The following TENM3 variants were observed in gnomAD, a reference collection of about 807,000 sequenced individuals.
The protein encoded by TENM3 is teneurin transmembrane protein 3.
Under a neutral mutation model 255.1 loss-of-function variants are expected in TENM3, and 63 were observed. That is an observed-to-expected ratio of 0.25 (90% CI 0.20 to 0.30). The LOEUF (loss-of-function observed/expected upper bound fraction) is 0.30, where lower values mean the gene tolerates loss of function less well. Among genes scored for constraint, TENM3 ranks in the 10% least tolerant of loss-of-function variants. The probability of loss-of-function intolerance (pLI) is 1.00; values close to 1 mark genes in which losing one functional copy is unlikely to be tolerated. For synonymous variants in TENM3, 1,306 were observed against 1,322.3 expected (o/e 0.99, Z 0.27); for missense variants, 2,929 against 3,461.1 (o/e 0.85, Z 3.86).
chr4:181,868,714 G>T, the TENM3 span, among the ~76,000 whole-genome samples: 1 of 152,154 alleles, frequency 6.6e-6, no homozygotes, highest in Admixed American at 6.6e-5. Context: ...TGAAGATTTT[G>T]CATGGTTTCT....
chr4:181,705,466 T>A, the TENM3 span, among the ~76,000 whole-genome samples: 5 of 152,256 alleles, frequency 3.3e-5, no homozygotes, highest in Non-Finnish European at 2.9e-5. Context: ...AGCTTGCTGC[T>A]GCCTAACCAT....
the TENM3 span, among the ~76,000 whole-genome samples, chr4:181,716,939 G>A: frequency 2.6e-5 from 4 of 152,090 alleles, no homozygotes; most frequent in African/African-American, 4.8e-5. Context: ...TATTTCTTTC[G>A]GTTTGGGATT....
intron 27 of TENM3, among the ~76,000 whole-genome samples, chr4:182,798,997 T>C (rs1192893522): frequency 6.6e-6 from 1 of 152,204 alleles, no homozygotes; most frequent in Non-Finnish European, 1.5e-5. Context: ...ATTGTTTTCC[T>C]AAAGTAACAA....
chr4:182,082,601 A>G, the TENM3 span, among the ~76,000 whole-genome samples: 3 of 152,342 alleles, frequency 2.0e-5, no homozygotes, highest in South Asian at 6.2e-4. Flanking sequence ...AGCTTAGCCC[A>G]CTTGGCCAAA....
the TENM3 span, among the ~76,000 whole-genome samples, chr4:182,019,745 A>T: frequency 6.6e-6 from 1 of 151,976 alleles, no homozygotes; most frequent in African/African-American, 2.4e-5. Context: ...GCTCACTACA[A>T]CCTTGACCTT....
At chr4:182,146,752 G>A (rs1398153545) in intron 1 of TENM3, among the ~76,000 whole-genome samples, 1 of 152,150 alleles carries the variant, frequency 6.6e-6, no homozygotes, top group African/African-American at 2.4e-5. Flanking sequence ...TGAACCCCCT[G>A]TGCCAATAGC....
chr4:182,100,790 TATATACAC>T, the TENM3 span, among the ~76,000 whole-genome samples: 188 of 5,466 alleles, frequency 0.034, 44 homozygotes, highest in Non-Finnish European at 0.14. Flanking sequence ...TATACACATA[TATATACAC>T]ATATATATAC....
chr4:182,165,821 G>A (rs1469233046), intron 1 of TENM3, among the ~76,000 whole-genome samples: 1 of 152,154 alleles, frequency 6.6e-6, no homozygotes, highest in Non-Finnish European at 1.5e-5. Flanking sequence ...TGTCATCCAG[G>A]CTGGAGTGCA....
At position 182,192,160 on chromosome 4, in the gene TENM3, A is replaced by AT. The variant is rs576128043; in HGVS notation, c.-76+47414dup. 5.9e-3 allele frequency among the ~76,000 whole-genome samples: 897 copies of AT among 152,028 alleles called. 10 individuals carry two copies. The highest frequency in any genetic ancestry group is 0.019 in the African/African-American group (784 of 41,474). On this transcript the variant is annotated intron_variant, in intron 1 of 2. Coordinates refer to the TENM3 transcript ENST00000512480. ...GTCTGATTGGAACACCGTTGCACCC[A>AT]TTTTTTTTACATCTTGTCTGTGGCT...
the TENM3 span, among the ~76,000 whole-genome samples, chr4:181,867,751 G>C: frequency 6.6e-6 from 1 of 152,102 alleles, no homozygotes; most frequent in African/African-American, 2.4e-5. Flanking sequence ...TGTTTTTCCA[G>C]GCTTGTACCA....
chr4:182,451,647 C>T (rs1022935978), intron 3 of TENM3, among the ~76,000 whole-genome samples: 1 of 152,150 alleles, frequency 6.6e-6, no homozygotes, highest in Non-Finnish European at 1.5e-5. Context: ...ACCAGAACAG[C>T]GTTGCTAAGC....
At chr4:181,470,227 G>A in the TENM3 span, among the ~76,000 whole-genome samples, 3 of 151,880 alleles carry the variant, frequency 2.0e-5, no homozygotes, top group African/African-American at 7.3e-5. Flanking sequence ...CTTTCATAGA[G>A]AGAAAATAGT....
the TENM3 span, among the ~76,000 whole-genome samples, chr4:181,709,300 A>G: frequency 0.7 from 106,169 of 152,100 alleles, 37,193 homozygotes; most frequent in East Asian, 0.76. Context: ...ACAGTAGGAC[A>G]CAGAAGACAC....
chr4:181,782,298 G>T, the TENM3 span, among the ~76,000 whole-genome samples: 1 of 152,106 alleles, frequency 6.6e-6, no homozygotes, highest in East Asian at 1.9e-4. Flanking sequence ...CCATTTCAGA[G>T]CCTGTTATTG....
chr4:182,791,900 G>T (rs1410510716), intron 25 of TENM3, among the ~76,000 whole-genome samples: 2 of 152,148 alleles, frequency 1.3e-5, no homozygotes, highest in Non-Finnish European at 2.9e-5. Flanking sequence ...ATTATGGATA[G>T]AACTGCATTC....
At chr4:182,459,210 A>G (rs1774135670) in intron 3 of TENM3, among the ~76,000 whole-genome samples, 1 of 152,202 alleles carries the variant, frequency 6.6e-6, no homozygotes, top group African/African-American at 2.4e-5. Flanking sequence ...TTATATTCAG[A>G]AAAAAATAAT....
At chr4:182,473,680 AT>A (rs201759648) in intron 3 of TENM3, among the ~76,000 whole-genome samples, 10,237 of 152,012 alleles carry the variant, frequency 0.067, 472 homozygotes, top group African/African-American at 0.12. Flanking sequence ...CTAAAAAAAA[AT>A]AAAATAAAAT....
At chr4:181,448,198 G>C in the TENM3 span, among the ~76,000 whole-genome samples, 15,498 of 113,322 alleles carry the variant, frequency 0.14, 1,082 homozygotes, top group Middle Eastern at 0.31. Context: ...ACGGAGTCTC[G>C]CTCTGTCGCC....
intron 1 of TENM3, among the ~76,000 whole-genome samples, chr4:182,295,261 CTTTT>C (rs752005972): frequency 4.3e-5 from 3 of 70,442 alleles, no homozygotes; most frequent in African/African-American, 6.8e-5. Context: ...CTTTGCTTTT[CTTTT>C]TTTTTTTTTT....
Sources: gnomAD v4.1 joint callset for allele counts (sites outside exome capture counted in the v4.1 genomes callset) on GRCh38, gnomAD v4.1.1 for gene constraint, MANE v1.5 for transcripts, NCBI Gene and HGNC (gene_info 2026-07-23, HGNC 2026-07-21) for gene names.